Variants in LIN9 observed in about 807,000 individuals in gnomAD.
LIN9 encodes protein lin-9 homolog.
In LIN9, 18 loss-of-function variants were observed where a neutral mutation model predicts 78.0. That is an observed-to-expected ratio of 0.23 (90% CI 0.16 to 0.34). The LOEUF is 0.34. LIN9 is among the 10% of genes least tolerant of loss of function. The pLI, the probability that LIN9 is intolerant of heterozygous loss-of-function variation, is 1.00. For missense variants in LIN9, 451 were observed against 644.1 expected, an observed-to-expected ratio of 0.70 and a Z score of 3.25; for synonymous variants, 192 against 215.2, an observed-to-expected ratio of 0.89 and a Z score of 0.94.
chr1:226,306,087 G>T (rs1662897083), intron 1 of LIN9, among the ~76,000 whole-genome samples: 1 of 152,082 alleles, frequency 6.6e-6, no homozygotes, highest in Non-Finnish European at 1.5e-5. Context: ...CACTTTGGGA[G>T]GTTGAGGCGG....
intron 10 of LIN9, among the ~76,000 whole-genome samples, chr1:226,252,196 C>A (rs1364909722): frequency 1.3e-5 from 2 of 151,742 alleles, no homozygotes; most frequent in Non-Finnish European, 2.9e-5. Context: ...GGTGGGAGAA[C>A]TTTGAGCCTG....
At chr1:226,306,284 A>G (rs1306344934) in intron 1 of LIN9, among the ~76,000 whole-genome samples, 2 of 151,976 alleles carry the variant, frequency 1.3e-5, no homozygotes, top group African/African-American at 4.8e-5. Flanking sequence ...GAGATCGCAC[A>G]CTGCACTCCA....
rs140770680 is a variant in LIN9, at chr1:226,309,083, G to A, written c.31+26C>T. On this transcript the variant is annotated intron_variant, in intron 1 of 14. Transcript: ENST00000681046. ...TGGGCAAGCAGCAGGCGGGAAAAGG[G>A]GGGGGTGCTTTGAGGTGCTACTCAC... The A allele has an allele frequency of 1.7e-3, 2,269 of 1,310,784 alleles. 1 individual carries two copies. The highest frequency in any genetic ancestry group is 2.0e-3 in the Non-Finnish European group (2,065 of 1,020,428). The allele number at this position is 1,310,784 out of a possible 1,614,324, so 81.2% of individuals were successfully genotyped here.
At chr1:226,301,272 T>C in intron 1 of LIN9, 67 bp from the exon 2 acceptor site, 2 of 1,256,342 alleles carry the variant, frequency 1.6e-6, no homozygotes, top group Non-Finnish European at 2.3e-6. Flanking sequence ...AGACCTTGGT[T>C]TGGGGGTAAA....
chr1:226,276,463 T>C (rs756154837), intron 7 of LIN9, among the ~76,000 whole-genome samples: 26 of 152,204 alleles, frequency 1.7e-4, no homozygotes, highest in Non-Finnish European at 2.9e-4. Flanking sequence ...GAGTTGTCAA[T>C]ATACACTCAT....
rs1355857060 is a variant in LIN9, at chr1:226,233,504, A to G, written c.1265T>C (p.Leu422Pro). Residue 422 changes from leucine (L) to proline (P), a missense_variant, in exon 13 of 15, where the codon CTC becomes CCC. Physicochemically the swap from Leu to Pro is moderately conservative, Grantham distance 98. Transcript: ENST00000681046. ...YCYELAPDQG[L>P]QPADQPTDMR... The stretch of plus-strand genomic sequence containing the variant: ...ATCTGTTGGCTGATCTGCAGGCTGG[A>G]GCCCCTGGTCTGGAGCAAGCTGAAT... 6 of 1,613,532 alleles carry G rather than the reference A, an allele frequency of 3.7e-6. No individual in the cohort carries two copies. Among genetic ancestry groups the G allele is most frequent in the Non-Finnish European group, 5.1e-6 (6 of 1,179,866 alleles).
chr1:226,253,688 GGTGGATCACCTGAGGTCA>G (rs1477055477), intron 10 of LIN9, among the ~76,000 whole-genome samples: 1 of 151,870 alleles, frequency 6.6e-6, no homozygotes, highest in Non-Finnish European at 1.5e-5. Context: ...GGCCAAGGTG[GGTGGATCACCTGAGGTCA>G]GGAGTTTGAG....
At chr1:226,270,596 T>C (rs1328058905) in intron 7 of LIN9, among the ~76,000 whole-genome samples, 3 of 151,716 alleles carry the variant, frequency 2.0e-5, no homozygotes, top group Non-Finnish European at 4.4e-5. Context: ...CCCAAGAGGG[T>C]GGATCGCTGG....
intron 10 of LIN9, among the ~76,000 whole-genome samples, chr1:226,258,894 CAAAA>C (rs770169450): frequency 1.1e-4 from 6 of 54,772 alleles, no homozygotes; most frequent in African/African-American, 3.9e-4. Flanking sequence ...TCTGTCTCAA[CAAAA>C]AAAAAAAAAA....
intron 6 of LIN9, among the ~76,000 whole-genome samples, chr1:226,280,025 C>G (rs1374391097): frequency 3.3e-5 from 5 of 152,120 alleles, no homozygotes; most frequent in Non-Finnish European, 7.4e-5. Flanking sequence ...AGTAAACACA[C>G]CAATATAGCA....
intron 11 of LIN9, among the ~76,000 whole-genome samples, chr1:226,239,541 T>C (rs1386215200): frequency 2.0e-5 from 3 of 152,212 alleles, no homozygotes; most frequent in Admixed American, 6.5e-5. Flanking sequence ...AGAATCAGAT[T>C]ATATATGTTC....
chr1:226,265,827 C>T lies in LIN9; in HGVS notation c.937-193G>A, dbSNP rs191015441. Among the ~76,000 whole-genome samples the T allele has an allele frequency of 4.6e-5, 7 of 151,678 alleles. No homozygotes were observed. Among genetic ancestry groups the T allele is most frequent in the East Asian group, 1.9e-4 (1 of 5,154 alleles). On this transcript the variant is annotated intron_variant, in intron 9 of 14. Transcript: ENST00000681046. This position sits in a 1 kb window ranked among gnomAD's most constrained non-coding sequence, Gnocchi z 4.1. ...CCGAGCAGCTGGGATTACAGGCGCG[C>T]GCCACCACGCCCAGCTAATTTTTGT...
chr1:226,231,265 T>G lies in LIN9; in HGVS notation c.*1236A>C, dbSNP rs1428170707. 2 of 152,608 alleles carry G rather than the reference T, an allele frequency of 1.3e-5. No individual in the cohort carries two copies. Among genetic ancestry groups the G allele is most frequent in the Non-Finnish European group, 2.9e-5 (2 of 68,028 alleles). The allele number at this position is 152,608 out of a possible 1,614,324, so 9.5% of individuals were successfully genotyped here. The stretch of plus-strand genomic sequence containing the variant: ...GCTAAATATAAACTCTGCACTAAAG[T>G]TCTGCAGTGGCACAATACCAACAAA... On this transcript the variant is annotated 3_prime_UTR_variant, in exon 15 of 15. Transcript: ENST00000681046.
intron 10 of LIN9, among the ~76,000 whole-genome samples, chr1:226,263,255 T>C (rs961087630): frequency 3.9e-5 from 6 of 152,224 alleles, no homozygotes; most frequent in Non-Finnish European, 8.8e-5. Context: ...TCCACATCTT[T>C]AAATACATTA....
At chr1:226,264,494 A>G (rs1171085757) in intron 10 of LIN9, among the ~76,000 whole-genome samples, 1 of 152,204 alleles carries the variant, frequency 6.6e-6, no homozygotes, top group East Asian at 1.9e-4. Flanking sequence ...AATAACATCA[A>G]CTGCAAAAGA....
rs1430400423 is a variant in LIN9, at chr1:226,231,209, T to G, written c.*1292A>C. ...ATTACAAATATTAAGAATAGAAGAT[T>G]TATGCATTTCTTAATTAACATAACA... is the stretch of plus-strand genomic sequence containing the variant. On this transcript the variant is annotated 3_prime_UTR_variant, in exon 15 of 15. Coordinates refer to ENST00000681046, the MANE Select transcript of LIN9 (RefSeq NM_001366245.2). 1 of 152,576 alleles carries G rather than the reference T, an allele frequency of 6.6e-6. No homozygotes were observed. Among genetic ancestry groups the G allele is most frequent in the Non-Finnish European group, 1.5e-5 (1 of 68,026 alleles). 9.5% of individuals were successfully genotyped at this position (152,576 alleles called of 1,614,324 possible).
At chr1:226,250,620 T>C (rs74355679) in intron 11 of LIN9, among the ~76,000 whole-genome samples, 40 of 152,324 alleles carry the variant, frequency 2.6e-4, no homozygotes, top group Admixed American at 9.8e-4. Flanking sequence ...GGTAGAATCA[T>C]AGCTCACTGC....
At chr1:226,234,897 T>TTTTTC (rs1553274048) in intron 12 of LIN9, among the ~76,000 whole-genome samples, 2 of 149,998 alleles carry the variant, frequency 1.3e-5, no homozygotes, top group Non-Finnish European at 3.0e-5. Context: ...TCCTAAATTT[T>TTTTTC]TTTTTTTTTT....
intron 4 of LIN9, among the ~76,000 whole-genome samples, chr1:226,294,229 G>A (rs939283824): frequency 9.6e-5 from 14 of 146,538 alleles, no homozygotes; most frequent in African/African-American, 3.5e-4. Context: ...AATCACTTCA[G>A]TATGGGAGGC....
Sources: gnomAD v4.1 joint callset for allele counts (sites outside exome capture counted in the v4.1 genomes callset) on GRCh38, gnomAD v4.1.1 for gene constraint, Gnocchi (gnomAD v3.1) non-coding constraint, MANE v1.5 for transcripts, NCBI Gene and HGNC (gene_info 2026-07-23, HGNC 2026-07-21) for gene names.